The following JAK2 variants were observed in gnomAD, a reference collection of about 807,000 sequenced individuals.
JAK2 encodes the protein tyrosine-protein kinase JAK2.
A neutral mutation model predicts 139.3 loss-of-function variants in JAK2; 86 were observed. The ratio of observed to expected loss-of-function variants is 0.62; its 90% CI spans 0.52 to 0.74. JAK2 has a LOEUF of 0.74. JAK2 is among the 30% of genes least tolerant of loss of function. JAK2 has a pLI of 0.00. For missense variants in JAK2, 1,421 were observed against 1,360.3 expected (o/e 1.04, Z -0.70); for synonymous variants, 490 against 437.7 (o/e 1.12, Z -1.49).
chr9:5,111,451 A>C, intron 22 of JAK2: 2 of 392,006 alleles, frequency 5.1e-6, no homozygotes, highest in Non-Finnish European at 9.9e-6. Context: ...CTGGTCTTCC[A>C]TCCTCGGCGT....
At chr9:5,100,171 A>G (rs1821356240) in intron 22 of JAK2, 1 of 152,198 alleles carries the variant, frequency 6.6e-6, no homozygotes, top group South Asian at 2.1e-4. Flanking sequence ...CAAATTCGCC[A>G]TAGACCTTAT....
chr9:5,096,911 A>T (rs528487717), intron 22 of JAK2: 5 of 152,260 alleles, frequency 3.3e-5, no homozygotes, highest in African/African-American at 1.2e-4. Context: ...GCAACTAACT[A>T]GTCCCTCTGA....
chr9:5,089,952 A>G, intron 20 of JAK2, 89 bp downstream of exon 20: 4 of 859,652 alleles, frequency 4.7e-6, no homozygotes, highest in South Asian at 8.7e-5. Context: ...AACGATCTGG[A>G]CTTATGCCAA....
At chr9:5,050,423 A>G (rs113653860) in intron 5 of JAK2, among the ~76,000 whole-genome samples, 7 of 152,208 alleles carry the variant, frequency 4.6e-5, no homozygotes, top group African/African-American at 1.7e-4. Flanking sequence ...GGTATGTGCC[A>G]CCATGCCTGG....
At chr9:5,068,404 C>A (rs1057216687) in intron 10 of JAK2, among the ~76,000 whole-genome samples, 3 of 152,054 alleles carry the variant, frequency 2.0e-5, no homozygotes, top group Admixed American at 1.3e-4. Flanking sequence ...AATGGTGGTG[C>A]AGTGGAATGG....
intron 4 of JAK2, chr9:5,041,873 C>T: frequency 4.6e-6 from 2 of 437,390 alleles, no homozygotes; most frequent in Admixed American, 2.9e-5. Flanking sequence ...TGGCCGGCCA[C>T]TCCAGCGCCC....
chr9:5,023,167 C>G (rs966359060), intron 3 of JAK2, among the ~76,000 whole-genome samples: 2 of 152,148 alleles, frequency 1.3e-5, no homozygotes, highest in Non-Finnish European at 2.9e-5. Context: ...CTCTTCCCAC[C>G]CATATAACCT....
Position 5,055,801 on chromosome 9 carries a change from T to A in JAK2, c.1056+13T>A, listed in dbSNP as rs764447515. 11 of 1,601,584 alleles carry A rather than the reference T, an allele frequency of 6.9e-6. No homozygotes were observed. The highest frequency in any genetic ancestry group is 9.4e-6 in the Non-Finnish European group (11 of 1,171,494). On this transcript the variant is annotated intron_variant, in intron 8 of 24. Transcript: ENST00000381652. Reference sequence around the variant, plus strand: ...TGGTAAAAATCTGGTAAGTTTGCTTTATGATTGAATAATGGTTTCATTTTA... The same window carrying A: ...TGGTAAAAATCTGGTAAGTTTGCTTAATGATTGAATAATGGTTTCATTTTA...
At chr9:5,100,406 A>T (rs751455283) in intron 22 of JAK2, 6 of 152,214 alleles carry the variant, frequency 3.9e-5, no homozygotes, top group Non-Finnish European at 8.8e-5. Context: ...TATACCAATG[A>T]TGATGTGATA....
At chr9:5,041,060 C>T (rs1816464884) in intron 4 of JAK2, 17 of 687,180 alleles carry the variant, frequency 2.5e-5, no homozygotes, top group Non-Finnish European at 4.5e-5. Context: ...CCATAGAGGG[C>T]GTCCCTCAGG....
At chr9:5,051,637 G>A (rs1463349671) in intron 6 of JAK2, among the ~76,000 whole-genome samples, 1 of 151,856 alleles carries the variant, frequency 6.6e-6, no homozygotes, top group East Asian at 1.9e-4. Flanking sequence ...TTTTTAAAAA[G>A]GTATATATAA....
At chr9:5,112,272 G>A in intron 22 of JAK2, 1 of 263,030 alleles carries the variant, frequency 3.8e-6, no homozygotes, top group South Asian at 3.9e-5. Flanking sequence ...CCTGCGGGCA[G>A]CGCCAGCCTC....
At chr9:5,056,982 C>T (rs1381681766) in intron 8 of JAK2, among the ~76,000 whole-genome samples, 1 of 152,202 alleles carries the variant, frequency 6.6e-6, no homozygotes, top group South Asian at 2.1e-4. Context: ...GCTAAGTATC[C>T]GTAAAGCTCC....
intron 22 of JAK2, among the ~76,000 whole-genome samples, chr9:5,105,336 A>G (rs1481582034): frequency 6.6e-6 from 1 of 152,252 alleles, no homozygotes; most frequent in Non-Finnish European, 1.5e-5. Flanking sequence ...ATACCTGGGA[A>G]TCCAACTTAC....
intron 8 of JAK2, among the ~76,000 whole-genome samples, chr9:5,060,253 G>A (rs892466691): frequency 6.6e-6 from 1 of 152,180 alleles, no homozygotes; most frequent in Non-Finnish European, 1.5e-5. Flanking sequence ...GATCAGTGTG[G>A]TGGCTGCTTA....
At position 5,005,084 on chromosome 9, in the gene JAK2, T is replaced by A. The variant is rs1228417377; in HGVS notation, c.-25-16879T>A. Reference sequence around the variant, plus strand: ...GGCATGTGCCAGCATGCCTGGCTAATTTTTTTTTTTTTTTTTTTTTTTTTT... The same window carrying A: ...GGCATGTGCCAGCATGCCTGGCTAAATTTTTTTTTTTTTTTTTTTTTTTTT... On this transcript the variant is annotated intron_variant, in intron 2 of 24. Transcript: ENST00000381652. Among the ~76,000 whole-genome samples the A allele has an allele frequency of 6.0e-4, 4 of 6,644 alleles. No individual in the cohort carries two copies. The South Asian group carries it at 0.016, about 27-fold the overall frequency. The allele number at this position is 6,644 out of a possible 152,430, so 4.4% of individuals were successfully genotyped here.
chr9:5,100,108 AG>A (rs1265431052), intron 22 of JAK2: 1 of 152,256 alleles, frequency 6.6e-6, no homozygotes, highest in Non-Finnish European at 1.5e-5. Flanking sequence ...ATTAGCTATT[AG>A]TTTTCCCACA....
In JAK2 at chr9:5,054,902, G is replaced by A. The variant is rs888941634; in HGVS notation, c.936+18G>A. The A allele has an allele frequency of 2.0e-6, 3 of 1,499,896 alleles. No individual in the cohort carries two copies. Among genetic ancestry groups the A allele is most frequent in the Non-Finnish European group, 1.8e-6 (2 of 1,106,834 alleles). The allele number at this position is 1,499,896 out of a possible 1,614,324, so 92.9% of individuals were successfully genotyped here. A position where few individuals can be genotyped will look rare whatever the true frequency, so the allele number is the denominator to read the frequency against. On this transcript the variant is annotated intron_variant, in intron 7 of 24. Coordinates refer to ENST00000381652, the MANE Select transcript of JAK2 (RefSeq NM_004972.4). This position sits in a 1 kb window ranked among gnomAD's most constrained non-coding sequence, Gnocchi z 4.9. ...CAGAACAGGTAATCCTTAATGATAT[G>A]TTCTTGTTCTTTGTTATTTTAAGTA...
intron 18 of JAK2, 64 bp from the exon 19 acceptor site, chr9:5,081,661 T>C: frequency 8.5e-7 from 1 of 1,170,434 alleles, no homozygotes; most frequent in Non-Finnish European, 1.3e-6. Context: ...CTTGAATGTA[T>C]ATCAGTTTAG....
Sources: gnomAD v4.1 joint callset for allele counts (sites outside exome capture counted in the v4.1 genomes callset) on GRCh38, gnomAD v4.1.1 for gene constraint, Gnocchi (gnomAD v3.1) non-coding constraint, MANE v1.5 for transcripts, NCBI Gene and HGNC (gene_info 2026-07-23, HGNC 2026-07-21) for gene names.